IGSF10: variants seen among roughly 807,000 people sequenced by gnomAD.
IGSF10 encodes calvaria mechanical force protein 608.
Under a neutral mutation model 128.2 loss-of-function variants are expected in IGSF10, and 126 were observed. The ratio of observed to expected loss-of-function variants is 0.98; its 90% confidence interval spans 0.85 to 1.14. The LOEUF is 1.14. Among genes scored for constraint, IGSF10 ranks in the 50% most tolerant of loss-of-function variants. IGSF10 has a pLI of 0.00. For missense variants in IGSF10, 3,295 were observed against 3,149.8 expected (o/e 1.05, Z -1.10); for synonymous variants, 1,185 against 1,146.2 (o/e 1.03, Z -0.68).
chr3:151,608,277 C>G, the IGSF10 span, among the ~76,000 whole-genome samples: 1 of 152,158 alleles, frequency 6.6e-6, no homozygotes, highest in Admixed American at 6.5e-5. Context: ...TAAGGCTTCT[C>G]TATGCTAAAA....
the IGSF10 span, among the ~76,000 whole-genome samples, chr3:151,591,111 G>A: frequency 6.6e-6 from 1 of 152,096 alleles, no homozygotes; most frequent in African/African-American, 2.4e-5. Flanking sequence ...GGGAAAACAT[G>A]ATGCAAATGC....
At chr3:151,489,363 A>C in the IGSF10 span, among the ~76,000 whole-genome samples, 1 of 152,232 alleles carries the variant, frequency 6.6e-6, no homozygotes, top group Admixed American at 6.5e-5. Context: ...GAACGCTTTT[A>C]CACTGTTTGT....
intron 2 of IGSF10, among the ~76,000 whole-genome samples, chr3:151,459,505 C>T (rs1277327405): frequency 6.6e-6 from 1 of 152,152 alleles, no homozygotes; most frequent in Admixed American, 6.5e-5. Flanking sequence ...AGCGACTGAC[C>T]AGCTGAGAGG....
chr3:151,438,624 T>G (rs962440009), intron 7 of IGSF10, 27 bp from the exon 8 acceptor site: 2 of 1,567,880 alleles, frequency 1.3e-6, no homozygotes, highest in East Asian at 2.2e-5. Context: ...TTCATTTGAG[T>G]GTGCAGCTGT....
Position 151,437,828 on chromosome 3 carries a change from TTC to T in IGSF10, c.6731_6732del (p.Arg2244AsnfsTer4), listed in dbSNP as rs1720498232. 6.2e-7 allele frequency: 1 copy of T among 1,614,014 alleles called. No homozygotes were observed. Among genetic ancestry groups the T allele is most frequent in the East Asian group, 2.2e-5 (1 of 44,882 alleles). On this transcript the variant is annotated frameshift_variant, in exon 8 of 8. Transcript: ENST00000282466. LOFTEE classifies it low-confidence loss of function (END_TRUNC). ...PPLINGLYTNRTVIKATAVRH... is the reference protein window; with the variant it reads ...PPLINGLYTNXTVIKATAVRH... ...CTCACAGCTGTGGCTTTAATAACAG[TTC>T]TGTTTGTATACAGACCATTGATTAA...
At chr3:151,600,530 G>A in the IGSF10 span, among the ~76,000 whole-genome samples, 4 of 152,094 alleles carry the variant, frequency 2.6e-5, no homozygotes, top group African/African-American at 9.7e-5. Flanking sequence ...ATTAAAAGCT[G>A]TGGAGTAGTC....
rs777245372 is a variant in IGSF10, at chr3:151,445,951, T to C, written c.4030A>G (p.Ile1344Val). ...TTTTGAGGCTCCTGTTCTCTTTGTA[T>C]TGTTTGTGCTCTAGATCTCTCTGTT... ...TQTERSRAQT[I>V]QREQEPQKKN... The change falls in exon 6 of 8, where the codon ATA becomes GTA. Residue 1344 changes from isoleucine (I) to valine (V), a missense_variant. Ile to Val is a conservative substitution (Grantham distance 29). Coordinates refer to ENST00000282466, the MANE Select transcript of IGSF10 (RefSeq NM_178822.5). 6.2e-7 allele frequency: 1 copy of C among 1,614,150 alleles called. No individual in the cohort carries two copies. Among genetic ancestry groups the C allele is most frequent in the South Asian group, 1.1e-5 (1 of 91,074 alleles).
the IGSF10 span, among the ~76,000 whole-genome samples, chr3:151,593,564 G>A: frequency 6.6e-6 from 1 of 151,406 alleles, no homozygotes; most frequent in South Asian, 2.1e-4. Context: ...TTGTACCTAT[G>A]TAAAAATGAA....
the IGSF10 span, among the ~76,000 whole-genome samples, chr3:151,546,040 C>CA: frequency 0.024 from 2,623 of 109,408 alleles, 54 homozygotes; most frequent in African/African-American, 0.058. Flanking sequence ...CATATGTGGC[C>CA]ACAAAAAAAA....
the IGSF10 span, among the ~76,000 whole-genome samples, chr3:151,562,592 C>T: frequency 6.6e-6 from 1 of 152,042 alleles, no homozygotes; most frequent in African/African-American, 2.4e-5. Context: ...CTGGTCAAAC[C>T]ACCTCATTTT....
the IGSF10 span, among the ~76,000 whole-genome samples, chr3:151,598,793 T>A: frequency 2.8e-4 from 43 of 152,216 alleles, no homozygotes; most frequent in African/African-American, 1.0e-3. Flanking sequence ...TGTACAAGTT[T>A]GGGACATTGT....
At position 151,437,140 on chromosome 3, in the gene IGSF10, A is replaced by G. The variant is rs1265757501; in HGVS notation, c.7421T>C (p.Val2474Ala). 1 of 1,614,164 alleles carries G rather than the reference A, an allele frequency of 6.2e-7. No homozygotes were observed. Among genetic ancestry groups the G allele is most frequent in the African/African-American group, 1.3e-5 (1 of 75,050 alleles). Residue 2474 changes from valine to alanine, a missense_variant, in exon 8 of 8, where the codon GTA becomes GCA. Coordinates refer to ENST00000282466, the MANE Select transcript of IGSF10 (RefSeq NM_178822.5). ...TTTCCCATTAATTTGAGGCCTGTCT[A>G]CTACATAACCACTTGGCATAGTCCA... ...IKWTMPSGYVVDRPQINGKYI... is the reference protein window; with the variant it reads ...IKWTMPSGYVADRPQINGKYI...
At chr3:151,584,200 ATTCTTC>A in the IGSF10 span, among the ~76,000 whole-genome samples, 1 of 152,104 alleles carries the variant, frequency 6.6e-6, no homozygotes, top group Non-Finnish European at 1.5e-5. Flanking sequence ...TTATGAAAGA[ATTCTTC>A]TCATCTTTAG....
rs747896309 is a variant in IGSF10, at chr3:151,458,681, C to G, written c.29G>C (p.Cys10Ser). MKVKGRGIT[C>S]LLVSFAVICL... is the part of the protein sequence containing the mutation. The stretch of plus-strand genomic sequence containing the variant: ...GATCACAGCAAAGGAGACCAGCAAG[C>G]AGGTGATTCCTCTGCCTTTTACCTT... The change falls in exon 3 of 8, where the codon TGC becomes TCC. Residue 10 changes from cysteine to serine, a missense_variant. Cys to Ser is a moderately radical substitution (Grantham distance 112, BLOSUM62 -1). Coordinates refer to ENST00000282466, the MANE Select transcript of IGSF10 (RefSeq NM_178822.5). 2.2e-5 allele frequency: 36 copies of G among 1,613,646 alleles called. No homozygotes were observed. Among genetic ancestry groups the G allele is most frequent in the Non-Finnish European group, 3.1e-5 (36 of 1,179,894 alleles).
At chr3:151,503,541 G>GA in the IGSF10 span, among the ~76,000 whole-genome samples, 1 of 152,070 alleles carries the variant, frequency 6.6e-6, no homozygotes, top group Admixed American at 6.6e-5. Context: ...AGATATATTA[G>GA]AAAAAATTGT....
the IGSF10 span, among the ~76,000 whole-genome samples, chr3:151,479,545 A>T: frequency 1.9e-4 from 29 of 152,338 alleles, no homozygotes; most frequent in African/African-American, 6.5e-4. Flanking sequence ...GAAAAATAAT[A>T]AAGCATAAGA....
the IGSF10 span, among the ~76,000 whole-genome samples, chr3:151,597,186 A>G: frequency 6.6e-6 from 1 of 152,214 alleles, no homozygotes; most frequent in East Asian, 1.9e-4. Flanking sequence ...ATTTCAGAGC[A>G]TGCATCTTTA....
the IGSF10 span, among the ~76,000 whole-genome samples, chr3:151,543,058 C>A: frequency 6.6e-6 from 1 of 152,268 alleles, no homozygotes; most frequent in East Asian, 1.9e-4. Flanking sequence ...TTCCCCTAGT[C>A]AATTTTTCAA....
chr3:151,515,550 C>A, the IGSF10 span, among the ~76,000 whole-genome samples: 1 of 151,294 alleles, frequency 6.6e-6, no homozygotes, highest in Non-Finnish European at 1.5e-5. Flanking sequence ...AGCACACCAA[C>A]ATGGCACATG....
Sources: allele counts gnomAD v4.1 joint callset (sites outside exome capture counted in the v4.1 genomes callset), GRCh38; gene constraint gnomAD v4.1.1; transcripts MANE v1.5; gene names NCBI Gene and HGNC (gene_info 2026-07-23, HGNC 2026-07-21).